The following PTPRH variants were observed in gnomAD, a reference collection of about 807,000 sequenced individuals.
PTPRH encodes the protein receptor-type tyrosine-protein phosphatase H.
A neutral mutation model predicts 130.2 loss-of-function variants in PTPRH; 113 were observed. That is an observed-to-expected ratio of 0.87 (90% CI 0.75 to 1.01). The LOEUF (loss-of-function observed/expected upper bound fraction) is 1.01, where lower values mean the gene tolerates loss of function less well. PTPRH is among the 50% of genes least tolerant of loss of function. The pLI, the probability that PTPRH is intolerant of heterozygous loss-of-function variation, is 0.00. For synonymous variants in PTPRH, 556 were observed against 577.9 expected, an observed-to-expected ratio of 0.96 and a Z score of 0.54; for missense variants, 1,430 against 1,425.0, an observed-to-expected ratio of 1.00 and a Z score of -0.06.
intron 8 of PTPRH, among the ~76,000 whole-genome samples, 190 bp downstream of exon 8, chr19:55,198,453 A>G (rs1377418879): frequency 6.6e-6 from 1 of 152,198 alleles, no homozygotes; most frequent in African/African-American, 2.4e-5. Flanking sequence ...AACAGGTCCC[A>G]CAGCTTGGAA....
chr19:55,197,665 C>A (rs2086729691), intron 8 of PTPRH, among the ~76,000 whole-genome samples: 1 of 152,176 alleles, frequency 6.6e-6, no homozygotes, highest in Non-Finnish European at 1.5e-5. Context: ...CAAATGCACA[C>A]CAATTCCACC....
At chr19:55,191,434 GCAGCCAGCAAA>G (rs2086531331) in intron 12 of PTPRH, 56 bp downstream of exon 12, 1 of 1,568,328 alleles carries the variant, frequency 6.4e-7, no homozygotes, top group Non-Finnish European at 8.8e-7. Context: ...GACCTAGCTG[GCAGCCAGCAAA>G]CACCCCTTGA....
chr19:55,207,732 G>A (rs1442211473), intron 1 of PTPRH, among the ~76,000 whole-genome samples: 1 of 58,624 alleles, frequency 1.7e-5, no homozygotes, highest in Admixed American at 1.4e-4. Context: ...TGGGGGTCTC[G>A]ACCTCTGGTT....
At position 55,182,148 on chromosome 19, in the gene PTPRH, A is replaced by C; in HGVS notation, c.3066T>G (p.Ala1022=). ...TGAGGGTTCCTGTGCGACCCACGCC[A>C]GCACTAGGCAGAACAAGGGAAGGGT... ...EGGPPIVHCS[A]GVGRTGTLIA... The change falls in exon 19 of 20, where the codon GCT becomes GCG. Residue 1022 remains alanine (A), a synonymous_variant. Coordinates refer to ENST00000376350, the MANE Select transcript of PTPRH (RefSeq NM_002842.5). The C allele has an allele frequency of 6.2e-7, 1 of 1,613,628 alleles. No homozygotes were observed. Among genetic ancestry groups the C allele is most frequent in the Non-Finnish European group, 8.5e-7 (1 of 1,179,984 alleles).
chr19:55,189,135 G>A (rs1333007525), intron 12 of PTPRH, among the ~76,000 whole-genome samples: 6 of 152,238 alleles, frequency 3.9e-5, no homozygotes, highest in African/African-American at 1.4e-4. Flanking sequence ...ACAGGTGCCA[G>A]CCACCATGCC....
chr19:55,187,171 C>T lies in PTPRH; in HGVS notation c.2566+342G>A, dbSNP rs1274437685. Among the ~76,000 whole-genome samples, 11 of 150,704 alleles carry T rather than the reference C, an allele frequency of 7.3e-5. 1 individual carries two copies. The East Asian group carries it at 7.9e-4, about 11-fold the overall frequency. ...CCATCCTGGCTAACACGGTGAAACCCTGTCTCTACCAAAAATACAAAAAAT... is the reference window on the plus strand; with the variant it reads ...CCATCCTGGCTAACACGGTGAAACCTTGTCTCTACCAAAAATACAAAAAAT... On this transcript the variant is annotated intron_variant, in intron 14 of 19. Coordinates refer to ENST00000376350, the MANE Select transcript of PTPRH (RefSeq NM_002842.5).
At position 55,186,304 on chromosome 19, in the gene PTPRH, A is replaced by G. The variant is rs769834965; in HGVS notation, c.2699T>C (p.Val900Ala). The change falls in exon 16 of 20, where the codon GTG becomes GCG. Residue 900 changes from valine (V) to alanine (A), a missense_variant. Val to Ala is a moderately conservative substitution (Grantham distance 64). Transcript: ENST00000376350. ...CCACACCAGGCGCCAGAAGTCACCC[A>G]CTGTCTGTGGCAGGGGACCCTGGGT... ...IATQGPLPQTVGDFWRLVWEQ... is the reference protein window; with the variant it reads ...IATQGPLPQTAGDFWRLVWEQ... 6.2e-7 allele frequency: 1 copy of G among 1,613,994 alleles called. No homozygotes were observed. Among genetic ancestry groups the G allele is most frequent in the South Asian group, 1.1e-5 (1 of 91,080 alleles).
At position 55,206,593 on chromosome 19, in the gene PTPRH, C is replaced by T. The variant is rs535923907; in HGVS notation, c.352+96G>A. The T allele has an allele frequency of 3.3e-3, 4,224 of 1,284,872 alleles. 92 individuals are homozygous for T. In the African/African-American group the frequency reaches 0.051, roughly 16 times the overall value. The allele number at this position is 1,284,872 out of a possible 1,614,324, so 79.6% of individuals were successfully genotyped here. ...CGTGTGGCTTCCACTGTGTTTCTAT[C>T]CAACTAAAGAACCTGTCGCATTTTG... On this transcript the variant is annotated intron_variant, in intron 3 of 19. Coordinates refer to ENST00000376350, the MANE Select transcript of PTPRH (RefSeq NM_002842.5).
At chr19:55,186,181 C>A (rs13343365) in intron 16 of PTPRH, 44 bp downstream of exon 16, 3 of 1,585,292 alleles carry the variant, frequency 1.9e-6, no homozygotes, top group South Asian at 1.2e-5. Context: ...GTGTTCGGGG[C>A]GGGGTCCTGC....
At position 55,202,325 on chromosome 19, in the gene PTPRH, G is replaced by A; in HGVS notation, c.887-3C>T. ...CAGGTTTCTCACTGGGTTGGGAGCTGAAAACCAGCACAGGAGGGAAAATCA... is the reference window on the plus strand; with the variant it reads ...CAGGTTTCTCACTGGGTTGGGAGCTAAAAACCAGCACAGGAGGGAAAATCA... On this transcript the variant is annotated splice_polypyrimidine_tract_variant and splice_region_variant and intron_variant, in intron 5 of 19. Coordinates refer to ENST00000376350, the MANE Select transcript of PTPRH (RefSeq NM_002842.5). The A allele has an allele frequency of 1.9e-6, 3 of 1,613,918 alleles. No homozygotes were observed. The highest frequency in any genetic ancestry group is 2.7e-5 in the African/African-American group (2 of 75,042).
chr19:55,209,000 G>T (rs958816741), intron 1 of PTPRH, among the ~76,000 whole-genome samples: 1 of 151,186 alleles, frequency 6.6e-6, no homozygotes, highest in Non-Finnish European at 1.5e-5. Flanking sequence ...AGGGAGGAGG[G>T]GCTGGGGTCT....
At chr19:55,182,524 CAAAA>C (rs1320464234) in intron 18 of PTPRH, among the ~76,000 whole-genome samples, 4 of 152,052 alleles carry the variant, frequency 2.6e-5, no homozygotes, top group Admixed American at 2.0e-4. Context: ...ACTCCCATCT[CAAAA>C]ACAACAACAA....
chr19:55,198,692 G>A lies in PTPRH; in HGVS notation c.1641C>T (p.Ala547=), dbSNP rs147973034. The A allele has an allele frequency of 1.3e-4, 211 of 1,613,722 alleles. 1 individual carries two copies. The African/African-American group carries it at 2.3e-3, about 18-fold the overall frequency. The change falls in exon 8 of 20, where the codon GCC becomes GCT. Residue 547 remains alanine (A), a synonymous_variant. Transcript: ENST00000376350. Reference sequence around the variant, plus strand: ...TATAGCCTCTGACCTCATTCCTCTCGGCCCAGACGGTGAGGTGGTACAGGC... The same window carrying A: ...TATAGCCTCTGACCTCATTCCTCTCAGCCCAGACGGTGAGGTGGTACAGGC... The part of the protein sequence containing the change: ...AGSLYHLTVW[A]ERNEVRGYNS...
At chr19:55,182,613 C>T (rs1425430235) in intron 18 of PTPRH, among the ~76,000 whole-genome samples, 1 of 151,940 alleles carries the variant, frequency 6.6e-6, no homozygotes, top group Non-Finnish European at 1.5e-5. Context: ...GCCTTCTTCA[C>T]TCCTCCCAAA....
intron 14 of PTPRH, among the ~76,000 whole-genome samples, chr19:55,187,297 A>G (rs1388082652): frequency 8.0e-6 from 1 of 124,754 alleles, no homozygotes; most frequent in African/African-American, 3.3e-5. Flanking sequence ...GTGAGCCGAG[A>G]TCGCGCCACT....
intron 14 of PTPRH, 36 bp downstream of exon 14, chr19:55,187,477 G>C (rs2086393880): frequency 1.9e-6 from 3 of 1,565,880 alleles, no homozygotes; most frequent in Non-Finnish European, 2.6e-6. Flanking sequence ...GACTAGATCA[G>C]GGCTGGGACA....
intron 10 of PTPRH, among the ~76,000 whole-genome samples, chr19:55,192,500 A>G (rs948747452): frequency 1.3e-5 from 2 of 152,126 alleles, no homozygotes; most frequent in Non-Finnish European, 2.9e-5. Flanking sequence ...AATCAAGAGT[A>G]GGCTATTAGT....
intron 1 of PTPRH, among the ~76,000 whole-genome samples, chr19:55,208,159 G>A: frequency 1.2e-5 from 1 of 81,432 alleles, no homozygotes; most frequent in Admixed American, 1.0e-4. Context: ...GGGAGGAGGG[G>A]CTGGGGGTCT....
intron 10 of PTPRH, chr19:55,192,048 T>G (rs182215446): frequency 7.7e-5 from 39 of 507,832 alleles, no homozygotes; most frequent in Admixed American, 5.5e-4. Flanking sequence ...GAGTACATTT[T>G]CTCTTCCTTA....
Sources: gnomAD v4.1 joint callset for allele counts (sites outside exome capture counted in the v4.1 genomes callset) on GRCh38, gnomAD v4.1.1 for gene constraint, MANE v1.5 for transcripts, NCBI Gene and HGNC (gene_info 2026-07-23, HGNC 2026-07-21) for gene names.